Variants in CDH13 observed in about 807,000 individuals in gnomAD.
The protein encoded by CDH13 is cadherin 13.
In CDH13, 24 loss-of-function variants were observed where a neutral mutation model predicts 63.8. The observed-to-expected ratio is 0.38, with a 90% confidence interval of 0.27 to 0.53. The LOEUF (loss-of-function observed/expected upper bound fraction) is 0.53. Ranked by LOEUF, CDH13 falls within the 20% of genes least tolerant of loss-of-function variation. The pLI is 0.85. For missense variants in CDH13, 1,049 were observed against 903.1 expected (o/e 1.16, Z -2.07); for synonymous variants, 503 against 355.3 (o/e 1.42, Z -4.67).
chr16:83,662,446 T>A (rs1001028937), intron 8 of CDH13, among the ~76,000 whole-genome samples: 25 of 152,234 alleles, frequency 1.6e-4, no homozygotes, highest in African/African-American at 6.0e-4. Flanking sequence ...ACTTTGATTA[T>A]GTTTTCTTAA....
intron 2 of CDH13, among the ~76,000 whole-genome samples, chr16:82,878,392 C>G (rs1212170180): frequency 6.6e-6 from 1 of 151,532 alleles, no homozygotes; most frequent in Non-Finnish European, 1.5e-5. Context: ...ATCTCTAAGA[C>G]AGCAAATGCC....
intron 8 of CDH13, among the ~76,000 whole-genome samples, chr16:83,652,638 C>G (rs1343427406): frequency 6.6e-6 from 1 of 152,162 alleles, no homozygotes; most frequent in Non-Finnish European, 1.5e-5. Context: ...ATTGCCTTTC[C>G]TCACTCAGGA....
chr16:83,746,221 G>T (rs376348290), intron 10 of CDH13, among the ~76,000 whole-genome samples: 1 of 152,202 alleles, frequency 6.6e-6, no homozygotes, highest in Admixed American at 6.5e-5. Flanking sequence ...GCAGGGCCAC[G>T]TTCCATCTAG....
intron 11 of CDH13, among the ~76,000 whole-genome samples, chr16:83,764,314 G>T (rs1449863373): frequency 6.6e-6 from 1 of 152,158 alleles, no homozygotes; most frequent in Non-Finnish European, 1.5e-5. Context: ...TTGGACGTTG[G>T]CATCAATTCA....
intron 6 of CDH13, among the ~76,000 whole-genome samples, chr16:83,420,997 C>T (rs917207101): frequency 6.6e-6 from 1 of 152,182 alleles, no homozygotes; most frequent in Admixed American, 6.5e-5. Context: ...ATGCCGACAG[C>T]CAGCTGGATG....
intron 8 of CDH13, among the ~76,000 whole-genome samples, chr16:83,667,059 A>G (rs1056073501): frequency 6.6e-6 from 1 of 150,984 alleles, no homozygotes; most frequent in Non-Finnish European, 1.5e-5. Context: ...GGATGGATGG[A>G]TGATGAATGG....
intron 4 of CDH13, among the ~76,000 whole-genome samples, chr16:83,201,742 A>T (rs947340463): frequency 2.0e-5 from 3 of 150,890 alleles, no homozygotes; most frequent in Non-Finnish European, 4.4e-5. Flanking sequence ...ATAAAAAAAA[A>T]TTAAAAAAAA....
At chr16:83,145,440 G>A (rs895650362) in intron 4 of CDH13, among the ~76,000 whole-genome samples, 1 of 152,190 alleles carries the variant, frequency 6.6e-6, no homozygotes, top group Non-Finnish European at 1.5e-5. Flanking sequence ...TGCCAGAAGT[G>A]TTCTTGGCAT....
At chr16:83,082,233 T>C (rs2033302207) in intron 3 of CDH13, among the ~76,000 whole-genome samples, 1 of 152,238 alleles carries the variant, frequency 6.6e-6, no homozygotes, top group African/African-American at 2.4e-5. Context: ...CACACATTTA[T>C]GTCTTTCTCA....
At chr16:82,775,758 G>A (rs2035466002) in intron 1 of CDH13, among the ~76,000 whole-genome samples, 1 of 152,094 alleles carries the variant, frequency 6.6e-6, no homozygotes, top group African/African-American at 2.4e-5. Context: ...CTGAGCACAG[G>A]GCCAGGCACA....
At chr16:82,923,758 C>A (rs989746650) in intron 2 of CDH13, among the ~76,000 whole-genome samples, 16 of 152,302 alleles carry the variant, frequency 1.1e-4, no homozygotes, top group African/African-American at 3.4e-4. Context: ...CCTCTTACTT[C>A]GCTTCCTCTT....
At chr16:83,384,795 A>G (rs531366847) in intron 6 of CDH13, among the ~76,000 whole-genome samples, 4 of 152,322 alleles carry the variant, frequency 2.6e-5, no homozygotes, top group African/African-American at 9.6e-5. Context: ...TGGCTTTTGG[A>G]TTCTTTAAGT....
intron 1 of CDH13, among the ~76,000 whole-genome samples, chr16:82,852,978 A>C (rs574142034): frequency 8.5e-5 from 13 of 152,164 alleles, no homozygotes; most frequent in Admixed American, 5.9e-4. Context: ...ATAAAAAAAA[A>C]CCCTTTCTTT....
chr16:83,313,383 C>T (rs1235493945), intron 5 of CDH13, among the ~76,000 whole-genome samples: 1 of 152,168 alleles, frequency 6.6e-6, no homozygotes, highest in Non-Finnish European at 1.5e-5. Context: ...ATATACCATT[C>T]AGCATATGTT....
chr16:82,674,121 T>G (rs531622175), intron 1 of CDH13, among the ~76,000 whole-genome samples: 1 of 152,184 alleles, frequency 6.6e-6, no homozygotes, highest in Non-Finnish European at 1.5e-5. Context: ...ATTCTTGATA[T>G]GGATGGCAGA....
intron 2 of CDH13, among the ~76,000 whole-genome samples, chr16:82,949,804 T>A (rs1905105375): frequency 6.6e-6 from 1 of 152,134 alleles, no homozygotes; most frequent in South Asian, 2.1e-4. Flanking sequence ...TTGTGTTAAT[T>A]ATAAGTTGCT....
intron 3 of CDH13, among the ~76,000 whole-genome samples, chr16:83,071,387 C>T (rs181044792): frequency 5.9e-5 from 9 of 152,284 alleles, no homozygotes; most frequent in Non-Finnish European, 1.2e-4. Context: ...CAGAGATGCT[C>T]CCCTTCCTAT....
chr16:83,448,238 T>C (rs1203241932), intron 6 of CDH13, among the ~76,000 whole-genome samples: 1 of 152,050 alleles, frequency 6.6e-6, no homozygotes, highest in Admixed American at 6.6e-5. Flanking sequence ...ATCACTGATA[T>C]GTAAAGAAAT....
intron 7 of CDH13, among the ~76,000 whole-genome samples, chr16:83,567,039 T>C (rs542211159): frequency 2.6e-5 from 4 of 152,314 alleles, no homozygotes; most frequent in African/African-American, 4.8e-5. Flanking sequence ...TCTGTGCTTC[T>C]GTCCTGCCTG....
Sources: allele counts gnomAD v4.1 joint callset (sites outside exome capture counted in the v4.1 genomes callset), GRCh38; gene constraint gnomAD v4.1.1; transcripts MANE v1.5; gene names NCBI Gene and HGNC (gene_info 2026-07-23, HGNC 2026-07-21).